The following CNBD2 variants were observed in gnomAD, a reference collection of about 807,000 sequenced individuals.
CNBD2 encodes the protein cyclic nucleotide binding domain containing 2.
A neutral mutation model predicts 63.7 loss-of-function variants in CNBD2; 64 were observed. That is an observed-to-expected ratio of 1.00 (90% CI 0.82 to 1.24). The LOEUF (loss-of-function observed/expected upper bound fraction) is 1.24, where lower values mean the gene tolerates loss of function less well. CNBD2 is among the 50% of genes most tolerant of loss of function. The pLI is 0.00. For synonymous variants in CNBD2, 229 were observed against 255.4 expected (o/e 0.90, Z 0.99); for missense variants, 691 against 713.5 (o/e 0.97, Z 0.36).
chr20:35,979,996 G>T (rs75820354), intron 3 of CNBD2, among the ~76,000 whole-genome samples: 36 of 152,298 alleles, frequency 2.4e-4, no homozygotes, highest in African/African-American at 8.7e-4. Context: ...GAGAAGAAAA[G>T]CTTTAGCTAA....
chr20:35,992,301 A>G (rs1034178994), intron 7 of CNBD2, among the ~76,000 whole-genome samples: 1 of 152,236 alleles, frequency 6.6e-6, no homozygotes, highest in Non-Finnish European at 1.5e-5. Flanking sequence ...TCCAATGCAC[A>G]CTGATGTAGG....
At chr20:36,026,577 G>A (rs1156515843) in intron 11 of CNBD2, among the ~76,000 whole-genome samples, 1 of 152,084 alleles carries the variant, frequency 6.6e-6, no homozygotes, top group Non-Finnish European at 1.5e-5. Context: ...GTCCCCTCCA[G>A]CATCTCCTGC....
intron 11 of CNBD2, among the ~76,000 whole-genome samples, chr20:36,029,624 G>T (rs1460208698): frequency 6.6e-6 from 1 of 152,172 alleles, no homozygotes; most frequent in African/African-American, 2.4e-5. Context: ...TGATGCTACA[G>T]GACTAGCTTG....
chr20:35,972,632 C>T lies in CNBD2; in HGVS notation c.55C>T (p.Leu19=), dbSNP rs1349111811. The T allele has an allele frequency of 1.2e-6, 2 of 1,614,004 alleles. No individual in the cohort carries two copies. Among genetic ancestry groups the T allele is most frequent in the Middle Eastern group, 1.6e-4 (1 of 6,062 alleles). The change falls in exon 2 of 12, where the codon CTG becomes TTG. Residue 19 remains leucine (L), a synonymous_variant. Coordinates refer to ENST00000373973, the MANE Select transcript of CNBD2 (RefSeq NM_001365709.1). ...AWQLLKKELG[L]YQLAMDIIIM... is the part of the protein sequence containing the mutation. ...CTTGTTTGCTTTGTTTCCATAGGGA[C>T]TGTACCAGCTCGCCATGGATATCAT...
In CNBD2 at chr20:36,008,480, C is replaced by G; in HGVS notation, c.1148+6C>G. On this transcript the variant is annotated splice_donor_region_variant and intron_variant, in intron 9 of 11. Transcript: ENST00000373973. ...ATGCTGGGCCCGAAGATCCAGTAAG[C>G]TCAGCCCTGGGCAGATAGACGGGTC... The G allele has an allele frequency of 1.9e-6, 3 of 1,608,246 alleles. No individual in the cohort carries two copies. Among genetic ancestry groups the G allele is most frequent in the African/African-American group, 2.7e-5 (2 of 74,532 alleles).
At chr20:35,974,914 G>A (rs1008051213) in intron 2 of CNBD2, 3 of 152,206 alleles carry the variant, frequency 2.0e-5, no homozygotes, top group African/African-American at 7.2e-5. Flanking sequence ...GAGTAAGGCA[G>A]GGAGGATACA....
intron 2 of CNBD2, among the ~76,000 whole-genome samples, chr20:35,975,166 T>A (rs1238475271): frequency 7.7e-6 from 1 of 129,916 alleles, no homozygotes; most frequent in African/African-American, 3.3e-5. Flanking sequence ...CACGCCCGGC[T>A]AATTTTTTGT....
intron 7 of CNBD2, among the ~76,000 whole-genome samples, chr20:35,993,867 CTTTT>C (rs58873487): frequency 1.0e-4 from 9 of 86,454 alleles, no homozygotes; most frequent in South Asian, 8.1e-4. Context: ...TTCAGCTAAT[CTTTT>C]TTTTTTTTTT....
intron 8 of CNBD2, among the ~76,000 whole-genome samples, chr20:36,001,766 G>A (rs2056911349): frequency 1.3e-5 from 2 of 150,292 alleles, no homozygotes; most frequent in African/African-American, 2.5e-5. Context: ...ACGGGGTGGC[G>A]GGGCAGAGGC....
chr20:35,997,276 C>A (rs997693253), intron 8 of CNBD2, among the ~76,000 whole-genome samples: 1 of 152,110 alleles, frequency 6.6e-6, no homozygotes, highest in Non-Finnish European at 1.5e-5. Context: ...TCTGTGTATC[C>A]TGGGGCCTCC....
At position 35,987,558 on chromosome 20, in the gene CNBD2, A is replaced by G. The variant is rs200281614; in HGVS notation, c.855+25A>G. On this transcript the variant is annotated intron_variant, in intron 7 of 11. Transcript: ENST00000373973. Reference sequence around the variant, plus strand: ...GGTGAAAAGTCTGGGGGTTGGGATGAGGGTGAACCTCTGAGGAGCATGCCT... The same window carrying G: ...GGTGAAAAGTCTGGGGGTTGGGATGGGGGTGAACCTCTGAGGAGCATGCCT... 1,563 of 1,613,462 alleles carry G rather than the reference A, an allele frequency of 9.7e-4. 24 individuals are homozygous for G. The South Asian group carries it at 0.015, about 16-fold the overall frequency.
chr20:35,987,715 T>C (rs2056688547), intron 7 of CNBD2, among the ~76,000 whole-genome samples, 182 bp downstream of exon 7: 1 of 152,190 alleles, frequency 6.6e-6, no homozygotes, highest in Admixed American at 6.6e-5. Flanking sequence ...GCTAGAGACA[T>C]TAGATATATG....
intron 8 of CNBD2, among the ~76,000 whole-genome samples, chr20:36,007,274 G>T (rs1465845254): frequency 6.6e-6 from 1 of 152,228 alleles, no homozygotes; most frequent in African/African-American, 2.4e-5. Flanking sequence ...ATGCTGAGTA[G>T]TTTGCTCCTT....
intron 10 of CNBD2, among the ~76,000 whole-genome samples, chr20:36,012,528 G>A (rs933593462): frequency 4.6e-5 from 7 of 150,858 alleles, no homozygotes; most frequent in Non-Finnish European, 1.0e-4. Context: ...TATTTTTATA[G>A]AATCTAATTT....
intron 9 of CNBD2, 74 bp downstream of exon 9, chr20:36,008,548 T>A (rs2057015612): frequency 7.1e-7 from 1 of 1,417,600 alleles, no homozygotes; most frequent in African/African-American, 1.4e-5. Context: ...TATGGCAGAA[T>A]GTCAGGGATG....
intron 6 of CNBD2, among the ~76,000 whole-genome samples, chr20:35,987,001 G>A (rs549117801): frequency 5.9e-5 from 9 of 152,208 alleles, no homozygotes; most frequent in Non-Finnish European, 1.2e-4. Flanking sequence ...GGCCAGAACC[G>A]CTAAGTTGGG....
intron 11 of CNBD2, among the ~76,000 whole-genome samples, chr20:36,028,844 T>G (rs2057311672): frequency 6.6e-6 from 1 of 151,880 alleles, no homozygotes; most frequent in Non-Finnish European, 1.5e-5. Flanking sequence ...CCTGGCTAAT[T>G]TTTGTATTTT....
upstream of CNBD2, among the ~76,000 whole-genome samples, chr20:35,966,632 G>T (rs2147184110): frequency 6.6e-6 from 1 of 152,204 alleles, no homozygotes; most frequent in Admixed American, 6.5e-5. Flanking sequence ...TTTGGGTGAG[G>T]TCTTCTGTTT....
At chr20:35,965,628 T>TAGAA (rs1201041506), upstream of CNBD2, among the ~76,000 whole-genome samples, 2 of 152,184 alleles carry the variant, frequency 1.3e-5, no homozygotes, top group Non-Finnish European at 2.9e-5. Flanking sequence ...ATAGTTACAG[T>TAGAA]TATAAAATCA....
Sources: allele counts gnomAD v4.1 joint callset (sites outside exome capture counted in the v4.1 genomes callset), GRCh38; gene constraint gnomAD v4.1.1; transcripts MANE v1.5; gene names NCBI Gene and HGNC (gene_info 2026-07-23, HGNC 2026-07-21).